The following LRRK1 variants were observed in gnomAD, a reference collection of about 807,000 sequenced individuals.
LRRK1 encodes leucine rich repeat kinase 1.
A neutral mutation model predicts 209.1 loss-of-function variants in LRRK1; 113 were observed. That is an observed-to-expected ratio of 0.54 (90% confidence interval 0.46 to 0.63). The LOEUF (loss-of-function observed/expected upper bound fraction) is 0.63, where lower values mean the gene tolerates loss of function less well. Among genes scored for constraint, LRRK1 ranks in the 30% least tolerant of loss-of-function variants. The pLI, the probability that LRRK1 is intolerant of heterozygous loss-of-function variation, is 0.00. For synonymous variants in LRRK1, 1,144 were observed against 1,099.7 expected (o/e 1.04, Z -0.80); for missense variants, 2,284 against 2,632.2 (o/e 0.87, Z 2.89).
At chr15:100,941,312 G>GTCTGTGTGTGTCTC (rs2042406623) in intron 2 of LRRK1, among the ~76,000 whole-genome samples, 1 of 19,052 alleles carries the variant, frequency 5.2e-5, no homozygotes, top group African/African-American at 2.0e-4. Flanking sequence ...ATGTGTGTGT[G>GTCTGTGTGTGTCTC]TCTGTGTGTG....
At chr15:100,938,533 C>G (rs1242898400) in intron 2 of LRRK1, among the ~76,000 whole-genome samples, 1 of 152,110 alleles carries the variant, frequency 6.6e-6, no homozygotes, top group African/African-American at 2.4e-5. Context: ...GGAACTTACT[C>G]CTCCCATGCA....
intron 6 of LRRK1, among the ~76,000 whole-genome samples, chr15:100,999,630 A>G (rs549442879): frequency 6.6e-6 from 1 of 152,280 alleles, no homozygotes; most frequent in African/African-American, 2.4e-5. Context: ...AACCACTTAC[A>G]TAACATAGGA....
At chr15:101,005,107 A>G (rs115031129) in intron 6 of LRRK1, among the ~76,000 whole-genome samples, 5,253 of 152,224 alleles carry the variant, frequency 0.035, 318 homozygotes, top group African/African-American at 0.12. Flanking sequence ...CAATCTGGAC[A>G]CCTTGATTCC....
In LRRK1 at chr15:101,048,961, G is replaced by A. The variant is rs545866096; in HGVS notation, c.3299+304G>A. Among the ~76,000 whole-genome samples the A allele has an allele frequency of 8.5e-5, 13 of 152,270 alleles. No individual in the cohort carries two copies. The East Asian group carries it at 2.5e-3, about 30-fold the overall frequency. ...AGGAGAGCCTCAGGCACTTCCCATG[G>A]TTATTCAGGTCACCATGGTGACCTT... is the stretch of plus-strand genomic sequence containing the variant. On this transcript the variant is annotated intron_variant, in intron 22 of 33. Transcript: ENST00000388948.
intron 1 of LRRK1, chr15:100,920,151 G>A (rs2041996006): frequency 6.5e-6 from 1 of 153,058 alleles, no homozygotes; most frequent in Non-Finnish European, 1.5e-5. Flanking sequence ...GGTCAGCGAG[G>A]AGACGCTGGT....
chr15:101,015,803 C>T (rs926498266), intron 12 of LRRK1, among the ~76,000 whole-genome samples: 1 of 152,132 alleles, frequency 6.6e-6, no homozygotes, highest in African/African-American at 2.4e-5. Context: ...TTGGCTGCCA[C>T]ACCAAAATAC....
Position 101,029,031 on chromosome 15 carries a change from T to C in LRRK1, c.2762T>C (p.Phe921Ser). 1 of 1,614,108 alleles carries C rather than the reference T, an allele frequency of 6.2e-7. No homozygotes were observed. ...AGCCACGGCCTGAGGAACCTCTACT[T>C]CCTCGACCCTATTTGGCTCTCCGAA... ...DTSHGLRNLY[F>S]LDPIWLSECL... The change falls in exon 20 of 34, where the codon TTC becomes TCC. Residue 921 changes from phenylalanine (F) to serine (S), a missense_variant. Coordinates refer to ENST00000388948, the MANE Select transcript of LRRK1 (RefSeq NM_024652.6).
At chr15:101,007,661 G>C (rs1252176162) in intron 6 of LRRK1, among the ~76,000 whole-genome samples, 1 of 152,188 alleles carries the variant, frequency 6.6e-6, no homozygotes, top group African/African-American at 2.4e-5. Flanking sequence ...CCTCCTGCCG[G>C]GAGGCCGTTG....
chr15:100,972,335 TGAGAG>T (rs1356550633), intron 2 of LRRK1, among the ~76,000 whole-genome samples: 102 of 106,210 alleles, frequency 9.6e-4, no homozygotes, highest in African/African-American at 1.3e-3. Flanking sequence ...TATATATATA[TGAGAG>T]AGAGAGAGAG....
intron 6 of LRRK1, among the ~76,000 whole-genome samples, chr15:101,005,326 C>T (rs562764295): frequency 2.0e-5 from 3 of 151,694 alleles, no homozygotes; most frequent in South Asian, 2.1e-4. Flanking sequence ...AGACGACCAC[C>T]GGAAACAATA....
intron 2 of LRRK1, among the ~76,000 whole-genome samples, chr15:100,938,964 G>A (rs1455951832): frequency 6.7e-6 from 1 of 148,212 alleles, no homozygotes; most frequent in Non-Finnish European, 1.5e-5. Context: ...ATGGTGGCGG[G>A]CACCTGTAAT....
chr15:101,032,759 T>C (rs1050616708), intron 20 of LRRK1, among the ~76,000 whole-genome samples: 2 of 152,198 alleles, frequency 1.3e-5, no homozygotes, highest in Admixed American at 6.5e-5. Flanking sequence ...TGGAAAGACT[T>C]TCCTTTCCCC....
intron 4 of LRRK1, 142 bp downstream of exon 4, chr15:100,983,841 G>A (rs1437236046): frequency 1.1e-6 from 1 of 871,190 alleles, no homozygotes; most frequent in Non-Finnish European, 1.9e-6. Context: ...CAAACAAAGT[G>A]AAGCTTGCCT....
Position 100,973,784 on chromosome 15 carries a change from G to T in LRRK1, c.98-20G>T. On this transcript the variant is annotated intron_variant, in intron 2 of 33. Coordinates refer to ENST00000388948, the MANE Select transcript of LRRK1 (RefSeq NM_024652.6). Reference sequence around the variant, plus strand: ...GGCAGTGGGCGGTGACGCCGTGTGTGTGTGCTTCCTCCCGCGCAGGTGCCG... The same window carrying T: ...GGCAGTGGGCGGTGACGCCGTGTGTTTGTGCTTCCTCCCGCGCAGGTGCCG... 7.8e-7 allele frequency: 1 copy of T among 1,276,044 alleles called. No individual in the cohort carries two copies. The highest frequency in any genetic ancestry group is 9.9e-7 in the Non-Finnish European group (1 of 1,008,830). The allele number at this position is 1,276,044 out of a possible 1,614,324, so 79.0% of individuals were successfully genotyped here.
At chr15:100,924,809 A>C in intron 2 of LRRK1, 80 bp downstream of exon 2, 1 of 1,017,090 alleles carries the variant, frequency 9.8e-7, no homozygotes, top group East Asian at 2.4e-5. Flanking sequence ...CTATGTAAGA[A>C]CAAGGAGTTC....
chr15:101,012,277 G>A, intron 10 of LRRK1, 132 bp downstream of exon 10: 1 of 924,060 alleles, frequency 1.1e-6, no homozygotes, highest in East Asian at 2.5e-5. Flanking sequence ...AAAAAGTTCA[G>A]CTATCAAAAA....
chr15:100,991,423 A>G (rs938269690), intron 6 of LRRK1, among the ~76,000 whole-genome samples: 2 of 151,750 alleles, frequency 1.3e-5, no homozygotes, highest in African/African-American at 4.8e-5. Context: ...AAACTCCTGG[A>G]CCTGTCTTGT....
chr15:101,050,517 C>T (rs1023217577), intron 23 of LRRK1, among the ~76,000 whole-genome samples: 1 of 151,440 alleles, frequency 6.6e-6, no homozygotes, highest in Non-Finnish European at 1.5e-5. Context: ...ACAGGCTGCC[C>T]GAGAGCCTCA....
At chr15:101,064,032 G>T (rs1226844750) in intron 31 of LRRK1, among the ~76,000 whole-genome samples, 2 of 152,366 alleles carry the variant, frequency 1.3e-5, no homozygotes, top group East Asian at 3.9e-4. Context: ...CCTGGGCAGG[G>T]TGTCTGCCCC....
Sources: gnomAD v4.1 joint callset for allele counts (sites outside exome capture counted in the v4.1 genomes callset) on GRCh38, gnomAD v4.1.1 for gene constraint, MANE v1.5 for transcripts, NCBI Gene and HGNC (gene_info 2026-07-23, HGNC 2026-07-21) for gene names.